Variants in CDK12 observed in about 807,000 individuals in gnomAD.
The protein encoded by CDK12 is cyclin-dependent kinase 12.
A neutral mutation model predicts 133.8 loss-of-function variants in CDK12; 17 were observed. The observed-to-expected ratio is 0.13, with a 90% CI of 0.09 to 0.19. The LOEUF (loss-of-function observed/expected upper bound fraction) is 0.19, where lower values mean the gene tolerates loss of function less well. CDK12 is among the 10% of genes least tolerant of loss of function. The pLI, the probability that CDK12 is intolerant of heterozygous loss-of-function variation, is 1.00. For missense variants in CDK12, 1,508 were observed against 1,818.7 expected, an observed-to-expected ratio of 0.83 and a Z score of 3.11; for synonymous variants, 694 against 683.6, an observed-to-expected ratio of 1.02 and a Z score of -0.24.
chr17:39,540,717 C>A (rs573205865), intron 1 of CDK12, among the ~76,000 whole-genome samples: 120 of 152,242 alleles, frequency 7.9e-4, no homozygotes, highest in African/African-American at 2.8e-3. Flanking sequence ...AAAGTGGGAG[C>A]CCCCATTTAT....
At chr17:39,474,701 G>T (rs1464773677) in intron 2 of CDK12, among the ~76,000 whole-genome samples, 1 of 150,742 alleles carries the variant, frequency 6.6e-6, no homozygotes, top group Non-Finnish European at 1.5e-5. Context: ...TAGAGAAGAT[G>T]CAAGTACAGT....
At chr17:39,463,940 C>G (rs886774767) in intron 1 of CDK12, among the ~76,000 whole-genome samples, 1 of 152,060 alleles carries the variant, frequency 6.6e-6, no homozygotes, top group African/African-American at 2.4e-5. Flanking sequence ...TGTGGCCTCA[C>G]TTCTGTTCAC....
chr17:39,524,857 G>A lies in CDK12; in HGVS notation c.3279G>A (p.Lys1093=). 1 of 1,614,040 alleles carries A rather than the reference G, an allele frequency of 6.2e-7. No individual in the cohort carries two copies. The change falls in exon 12 of 14, where the codon AAG becomes AAA. Residue 1093 remains lysine (K), a synonymous_variant. Transcript: ENST00000447079. ...CACCACCTCAGCCTGCTCCTGGCAA[G>A]GTGGAGTCTGGGGCTGGGGATGCAA... is the stretch of plus-strand genomic sequence containing the variant. ...SPAPPQPAPG[K]VESGAGDAIG...
chr17:39,500,769 C>T (rs1056809317), intron 5 of CDK12, among the ~76,000 whole-genome samples: 5 of 151,558 alleles, frequency 3.3e-5, no homozygotes, highest in African/African-American at 1.2e-4. Flanking sequence ...CTTTGTTGCC[C>T]AGGCTGGAAT....
At chr17:39,563,235 T>C (rs1352682871) in intron 3 of CDK12, among the ~76,000 whole-genome samples, 1 of 151,982 alleles carries the variant, frequency 6.6e-6, no homozygotes, top group Non-Finnish European at 1.5e-5. Flanking sequence ...TGGGCCACTC[T>C]TGACTTCCAG....
chr17:39,471,709 C>T lies in CDK12; in HGVS notation c.1877C>T (p.Thr626Met), dbSNP rs1282578164. 5.6e-6 allele frequency: 9 copies of T among 1,613,952 alleles called. No homozygotes were observed. Among genetic ancestry groups the T allele is most frequent in the African/African-American group, 5.3e-5 (4 of 74,906 alleles). Residue 626 changes from threonine (T) to methionine (M), a missense_variant, in exon 2 of 14, where the codon ACG (threonine) becomes ATG (methionine). Physicochemically the swap from Thr to Met is moderately conservative, Grantham distance 81 (BLOSUM62 -1). Coordinates refer to ENST00000447079, the MANE Select transcript of CDK12 (RefSeq NM_016507.4). ...TAAIPHLKTS[T>M]LPPLPLPPLL... ...GCTATTCCACACCTGAAAACTTCAACGTTGCCTCCTTTGCCCCTCCCACCC... is the reference window on the plus strand; with the variant it reads ...GCTATTCCACACCTGAAAACTTCAATGTTGCCTCCTTTGCCCCTCCCACCC...
chr17:39,532,103 TC>T lies in CDK12; in HGVS notation c.*788del, dbSNP rs1294683020. 1 of 6,464 alleles carries T rather than the reference TC, an allele frequency of 1.5e-4. No individual in the cohort carries two copies. The highest frequency in any genetic ancestry group is 4.4e-4 in the Non-Finnish European group (1 of 2,294). The allele number at this position is 6,464 out of a possible 1,614,324, so 0.4% of individuals were successfully genotyped here. ...CTGATGTGTGCTCTCTCTCTCTCTT[TC>T]TCTCTCTCTCTCTCTCTCTCTCTCT... On this transcript the variant is annotated 3_prime_UTR_variant, in exon 14 of 14. Coordinates refer to ENST00000447079, the MANE Select transcript of CDK12 (RefSeq NM_016507.4).
intron 2 of CDK12, among the ~76,000 whole-genome samples, chr17:39,479,308 G>A (rs1453796472): frequency 5.2e-4 from 52 of 100,388 alleles, no homozygotes; most frequent in South Asian, 2.2e-3. Flanking sequence ...GACTCCGTCT[G>A]AAAAAAAAAA....
downstream of CDK12, among the ~76,000 whole-genome samples, chr17:39,535,994 T>G (rs2055117636): frequency 6.6e-6 from 1 of 152,132 alleles, no homozygotes; most frequent in South Asian, 2.1e-4. Flanking sequence ...CCTGGACACT[T>G]TGGTTAATTT....
At chr17:39,524,294 A>G (rs1002692069) in intron 11 of CDK12, among the ~76,000 whole-genome samples, 1 of 152,204 alleles carries the variant, frequency 6.6e-6, no homozygotes, top group Non-Finnish European at 1.5e-5. Flanking sequence ...GACCTTCTGT[A>G]TACATTAACA....
chr17:39,521,916 G>T (rs1234772928), intron 11 of CDK12, among the ~76,000 whole-genome samples: 2 of 148,796 alleles, frequency 1.3e-5, no homozygotes, highest in Admixed American at 1.3e-4. Flanking sequence ...TGTCCAGACT[G>T]TCTCAAACTC....
Position 39,530,978 on chromosome 17 carries a change from T to G in CDK12, c.4135T>G (p.Ser1379Ala). ...TLVKNRTFSG[S>A]LSHLGESSSY... ...GGTGAAGAACAGGACCTTCTCAGGC[T>G]CTCTGAGCCACCTTGGGGAGTCCAG... Residue 1379 changes from serine (S) to alanine (A), a missense_variant, in exon 14 of 14, where the codon TCT becomes GCT. Around this residue, in one of 9 missense-constraint regions of CDK12, gnomAD observed 399 missense variants for 469.6 expected, o/e 0.85. Transcript: ENST00000447079. 1 of 1,614,154 alleles carries G rather than the reference T, an allele frequency of 6.2e-7. No homozygotes were observed. The highest frequency in any genetic ancestry group is 8.5e-7 in the Non-Finnish European group (1 of 1,180,014).
At chr17:39,512,854 T>A (rs1301296296) in intron 8 of CDK12, among the ~76,000 whole-genome samples, 1 of 152,262 alleles carries the variant, frequency 6.6e-6, no homozygotes, top group African/African-American at 2.4e-5. Flanking sequence ...AGATGACCAA[T>A]GAAAAATGTT....
chr17:39,539,500 A>G (rs1426365199), downstream of CDK12, among the ~76,000 whole-genome samples: 1 of 152,230 alleles, frequency 6.6e-6, no homozygotes, highest in Non-Finnish European at 1.5e-5. Context: ...GTTGTTTGAT[A>G]TAATATCCCA....
At position 39,533,704 on chromosome 17, in the gene CDK12, T is replaced by C. The variant is rs948141701; in HGVS notation, c.*2388T>C. 1 of 232,866 alleles carries C rather than the reference T, an allele frequency of 4.3e-6. No individual in the cohort carries two copies. The highest frequency in any genetic ancestry group is 8.5e-6 in the Non-Finnish European group (1 of 117,842). The allele number at this position is 232,866 out of a possible 1,614,324, so 14.4% of individuals were successfully genotyped here. A position where few individuals can be genotyped will look rare whatever the true frequency, so the allele number is the denominator to read the frequency against. On this transcript the variant is annotated 3_prime_UTR_variant, in exon 14 of 14. Transcript: ENST00000447079. The stretch of plus-strand genomic sequence containing the variant: ...GAGTGTATGTGTGAGTGTATGTGTA[T>C]GTATGATCCCATCTCACCCCCACCC...
chr17:39,485,410 T>C (rs1355099154), intron 2 of CDK12, among the ~76,000 whole-genome samples: 2,522 of 15,696 alleles, frequency 0.16, 19 homozygotes, highest in African/African-American at 0.28. Context: ...TCCCCCCCCT[T>C]TTTTTTTTTT....
At chr17:39,466,619 A>G (rs2049335181) in intron 1 of CDK12, among the ~76,000 whole-genome samples, 1 of 25,100 alleles carries the variant, frequency 4.0e-5, no homozygotes, top group South Asian at 2.9e-3. Flanking sequence ...CTATCTGAAA[A>G]AAAAAAAAAA....
At chr17:39,535,076 A>G (rs2055071083), downstream of CDK12, 1 of 152,166 alleles carries the variant, frequency 6.6e-6, no homozygotes, top group African/African-American at 2.4e-5. Context: ...AAGTTGTTTA[A>G]AAGTTAAAAT....
upstream of CDK12, among the ~76,000 whole-genome samples, chr17:39,547,335 C>T (rs1199640620): frequency 6.6e-6 from 1 of 151,976 alleles, no homozygotes; most frequent in Non-Finnish European, 1.5e-5. Context: ...GGGGTTTCTC[C>T]ATGATGATGA....
Sources: allele counts gnomAD v4.1 joint callset (sites outside exome capture counted in the v4.1 genomes callset), GRCh38; gene constraint gnomAD v4.1.1; regional missense constraint gnomAD v4.1.1; transcripts MANE v1.5; gene names NCBI Gene and HGNC (gene_info 2026-07-23, HGNC 2026-07-21).